SLC36A1: variants seen among roughly 807,000 people sequenced by gnomAD.
The protein encoded by SLC36A1 is solute carrier family 36 member 1.
In SLC36A1, 30 loss-of-function variants were observed where a neutral mutation model predicts 47.5. The observed-to-expected ratio is 0.63, with a 90% confidence interval of 0.47 to 0.86. SLC36A1 has a LOEUF of 0.86. Among genes scored for constraint, SLC36A1 ranks in the 40% least tolerant of loss-of-function variants. SLC36A1 has a pLI of 0.00. For missense variants in SLC36A1, 517 were observed against 606.0 expected (o/e 0.85, Z 1.54); for synonymous variants, 255 against 249.7 (o/e 1.02, Z -0.20).
chr5:151,516,904 G>A, the SLC36A1 span, among the ~76,000 whole-genome samples: 7 of 151,990 alleles, frequency 4.6e-5, no homozygotes, highest in African/African-American at 4.8e-5. Flanking sequence ...TCAGGAGTTC[G>A]AGACCAGCCT....
the SLC36A1 span, among the ~76,000 whole-genome samples, chr5:151,353,916 A>G: frequency 2.0e-5 from 3 of 152,142 alleles, no homozygotes; most frequent in African/African-American, 4.8e-5. Context: ...TTAATGCTGA[A>G]TAATATTCCA....
chr5:151,489,989 C>T lies in SLC36A1; in HGVS notation c.*1735C>T. 1 of 152,142 alleles carries T rather than the reference C, an allele frequency of 6.6e-6. No homozygotes were observed. Among genetic ancestry groups the T allele is most frequent in the East Asian group, 1.9e-4 (1 of 5,186 alleles). The allele number at this position is 152,142 out of a possible 1,614,324, so 9.4% of individuals were successfully genotyped here. The stretch of plus-strand genomic sequence containing the variant: ...AAAGCTCATAAGGGCTGTGACCCAC[C>T]CATATGGCCCCAGTTTTTTCTGTCT... On this transcript the variant is annotated 3_prime_UTR_variant, in exon 11 of 11. Transcript: ENST00000243389. This position sits in a 1 kb window ranked among gnomAD's most constrained non-coding sequence, Gnocchi z 4.5.
intron 1 of SLC36A1, among the ~76,000 whole-genome samples, chr5:151,438,699 G>A (rs1470601167): frequency 6.6e-6 from 1 of 152,120 alleles, no homozygotes; most frequent in African/African-American, 2.4e-5. Context: ...TTTGACATAT[G>A]CTCTGCAGGT....
the SLC36A1 span, among the ~76,000 whole-genome samples, chr5:151,355,210 A>G: frequency 1.3e-5 from 2 of 152,080 alleles, no homozygotes; most frequent in Non-Finnish European, 2.9e-5. Flanking sequence ...CAATTTGTGG[A>G]GGGAACACAG....
At chr5:151,535,096 T>C in the SLC36A1 span, among the ~76,000 whole-genome samples, 125 of 151,600 alleles carry the variant, frequency 8.2e-4, no homozygotes, top group African/African-American at 3.0e-3. Context: ...GAAATCATCC[T>C]ATATGTCTTT....
At chr5:151,472,949 C>T (rs949950123) in intron 7 of SLC36A1, among the ~76,000 whole-genome samples, 6 of 152,202 alleles carry the variant, frequency 3.9e-5, no homozygotes, top group Non-Finnish European at 7.3e-5. Context: ...AGGCAGATCA[C>T]TTGAAATCAA....
At chr5:151,369,326 A>G in the SLC36A1 span, among the ~76,000 whole-genome samples, 1 of 152,218 alleles carries the variant, frequency 6.6e-6, no homozygotes, top group Non-Finnish European at 1.5e-5. Context: ...AGTGAAATCA[A>G]CTCAATTGGG....
chr5:151,399,084 A>ATATATATATATATATTTTTTTT, the SLC36A1 span, among the ~76,000 whole-genome samples: 1 of 60,036 alleles, frequency 1.7e-5, no homozygotes, highest in Non-Finnish European at 3.5e-5. Context: ...ATATATATAT[A>ATATATATATATATATTTTTTTT]TTTTTTTTTT....
chr5:151,425,593 G>A, the SLC36A1 span, among the ~76,000 whole-genome samples: 1 of 152,132 alleles, frequency 6.6e-6, no homozygotes, highest in African/African-American at 2.4e-5. Flanking sequence ...TGAGTGGATG[G>A]ATGGATGGAT....
the SLC36A1 span, chr5:151,545,714 A>AAAT: frequency 6.2e-7 from 1 of 1,614,146 alleles, no homozygotes; most frequent in East Asian, 2.2e-5. Context: ...TCCGGCTCCA[A>AAAT]AATTTTATAG....
the SLC36A1 span, among the ~76,000 whole-genome samples, chr5:151,348,482 G>A: frequency 6.6e-6 from 1 of 152,136 alleles, no homozygotes; most frequent in African/African-American, 2.4e-5. Flanking sequence ...TTTCTTAAGG[G>A]CTTATTACAT....
chr5:151,419,902 T>G, the SLC36A1 span: 1 of 152,266 alleles, frequency 6.6e-6, no homozygotes, highest in Non-Finnish European at 1.5e-5. Context: ...CCTCCCCCAG[T>G]GGGCGTGGTC....
chr5:151,379,205 T>G, the SLC36A1 span, among the ~76,000 whole-genome samples: 1 of 152,188 alleles, frequency 6.6e-6, no homozygotes, highest in Non-Finnish European at 1.5e-5. Context: ...GGCTCCATCT[T>G]TGTGTTGTCT....
the SLC36A1 span, among the ~76,000 whole-genome samples, chr5:151,370,767 C>T: frequency 5.3e-5 from 8 of 152,092 alleles, no homozygotes; most frequent in African/African-American, 1.4e-4. Flanking sequence ...CTGAGGCGGG[C>T]GGATCTGTTG....
chr5:151,400,107 C>A, the SLC36A1 span, among the ~76,000 whole-genome samples: 1 of 152,118 alleles, frequency 6.6e-6, no homozygotes. Context: ...GATCCCATAA[C>A]CCAGGTAACG....
chr5:151,378,474 C>CTG, the SLC36A1 span: 1 of 212,264 alleles, frequency 4.7e-6, no homozygotes, highest in African/African-American at 2.3e-5. Flanking sequence ...GCGATTAAAG[C>CTG]TGTTCAAATT....
At chr5:151,408,081 G>A in the SLC36A1 span, among the ~76,000 whole-genome samples, 1 of 152,180 alleles carries the variant, frequency 6.6e-6, no homozygotes, top group African/African-American at 2.4e-5. Context: ...GGTCACTCTA[G>A]CTTTAGGTTC....
At chr5:151,545,274 A>T in the SLC36A1 span, 1 of 1,614,070 alleles carries the variant, frequency 6.2e-7, no homozygotes, top group African/African-American at 1.3e-5. Flanking sequence ...TTACCAGCGC[A>T]GTGTCTTGAT....
chr5:151,362,639 C>T, the SLC36A1 span, among the ~76,000 whole-genome samples: 2 of 152,168 alleles, frequency 1.3e-5, no homozygotes, highest in South Asian at 2.1e-4. Flanking sequence ...GATCTCCCTG[C>T]CTCAGCCTCC....
Sources: gnomAD v4.1 joint callset for allele counts (sites outside exome capture counted in the v4.1 genomes callset) on GRCh38, gnomAD v4.1.1 for gene constraint, Gnocchi (gnomAD v3.1) non-coding constraint, MANE v1.5 for transcripts, NCBI Gene and HGNC (gene_info 2026-07-23, HGNC 2026-07-21) for gene names.